The following CWF19L1 variants were observed in gnomAD, a reference collection of about 807,000 sequenced individuals.
The protein encoded by CWF19L1 is CWF19-like protein 1.
In CWF19L1, 60 loss-of-function variants were observed where a neutral mutation model predicts 69.7. The observed-to-expected ratio is 0.86, with a 90% CI of 0.70 to 1.07. CWF19L1 has a LOEUF of 1.07. Ranked by LOEUF, CWF19L1 falls within the 50% of genes least tolerant of loss-of-function variation. The probability of loss-of-function intolerance (pLI) is 0.00; values close to 1 mark genes in which losing one functional copy is unlikely to be tolerated. For missense variants in CWF19L1, 591 were observed against 638.9 expected (o/e 0.92, Z 0.81); for synonymous variants, 209 against 222.2 (o/e 0.94, Z 0.53).
intron 4 of CWF19L1, among the ~76,000 whole-genome samples, chr10:100,257,693 T>A (rs547051104): frequency 6.4e-4 from 98 of 152,264 alleles, no homozygotes; most frequent in Non-Finnish European, 1.3e-3. Flanking sequence ...CCTGAAACTA[T>A]GTTATCTTCA....
intron 7 of CWF19L1, chr10:100,249,015 C>T (rs1490903082): frequency 4.8e-6 from 3 of 629,580 alleles, no homozygotes; most frequent in Non-Finnish European, 8.9e-6. Flanking sequence ...AGCTCTTATA[C>T]TCTGGGAACA....
intron 5 of CWF19L1, chr10:100,254,724 C>T (rs1801534906): frequency 6.6e-6 from 1 of 152,126 alleles, no homozygotes; most frequent in Admixed American, 6.6e-5. Context: ...TTTTAGCTCC[C>T]CGCAAAACAA....
rs1289845045 is a variant in CWF19L1 at position 100,238,194 on chromosome 10, T to C, written c.1082A>G (p.Asp361Gly). 1 of 1,614,124 alleles carries C rather than the reference T, an allele frequency of 6.2e-7. No homozygotes were observed. The highest frequency in any genetic ancestry group is 2.2e-5 in the East Asian group (1 of 44,882). ...TCCAATAGGCAGGATGAGGACATGGTCATCAGATAAGCCTCCTTTGGCCAG... is the reference window on the plus strand; with the variant it reads ...TCCAATAGGCAGGATGAGGACATGGCCATCAGATAAGCCTCCTTTGGCCAG... ...LALAKGGLSD[D>G]HVLILPIGHY... Residue 361 changes from aspartate (D) to glycine (G), a missense_variant, in exon 11 of 14, where the codon GAC (aspartate) becomes GGC (glycine). Asp to Gly is a moderately conservative substitution (Grantham distance 94). Transcript: ENST00000354105.
In CWF19L1 at chr10:100,238,033, G is replaced by T; in HGVS notation, c.1243C>A (p.Leu415Ile). 6.2e-7 allele frequency: 1 copy of T among 1,614,136 alleles called. No homozygotes were observed. The highest frequency in any genetic ancestry group is 8.5e-7 in the Non-Finnish European group (1 of 1,179,994). ...VFERNYKSHH[L>I]QLQVIPVPIS... ...AACAGACCACCTACCTGTAGCTGGAGGTGATGGCTCTTATAATTTCTCTCA... is the reference window on the plus strand; with the variant it reads ...AACAGACCACCTACCTGTAGCTGGATGTGATGGCTCTTATAATTTCTCTCA... Residue 415 changes from leucine (L) to isoleucine (I), a missense_variant, in exon 11 of 14, where the codon CTC becomes ATC. By Grantham distance (5) the Leu-to-Ile change is conservative. Around this residue, in one of 3 missense-constraint regions of CWF19L1, gnomAD observed 458 missense variants for 489.3 expected, o/e 0.94. Coordinates refer to ENST00000354105, the MANE Select transcript of CWF19L1 (RefSeq NM_018294.6).
chr10:100,266,839 G>GT (rs1416332990), intron 1 of CWF19L1, among the ~76,000 whole-genome samples: 5 of 148,188 alleles, frequency 3.4e-5, no homozygotes, highest in African/African-American at 5.1e-5. Context: ...ATTGTTTTTT[G>GT]TTTGTTTTGT....
Position 100,256,399 on chromosome 10 carries a change from C to G in CWF19L1, c.367G>C (p.Val123Leu). 6.2e-7 allele frequency: 1 copy of G among 1,614,190 alleles called. No individual in the cohort carries two copies. Among genetic ancestry groups the G allele is most frequent in the South Asian group, 1.1e-5 (1 of 91,088 alleles). The change falls in exon 5 of 14, where the codon GTA becomes CTA. Residue 123 changes from valine to leucine, a missense_variant. By Grantham distance (32) the Val-to-Leu change is conservative. Around this residue, in one of 3 missense-constraint regions of CWF19L1, gnomAD observed 4 missense variants for 18.3 expected, o/e 0.22. Transcript: ENST00000354105. ...LSGTESLNEP[V>L]PGYSFSPKDV... is the part of the protein sequence containing the mutation. Reference sequence around the variant, plus strand: ...TTGGGACTAAAACTATAACCTGGTACTGGCTCATTTAAGGATTCTGTCCCA... The same window carrying G: ...TTGGGACTAAAACTATAACCTGGTAGTGGCTCATTTAAGGATTCTGTCCCA...
rs766663163 is a variant in CWF19L1, at chr10:100,235,649, A to G, written c.1472+18T>C. On this transcript the variant is annotated intron_variant, in intron 13 of 13. Coordinates refer to ENST00000354105, the MANE Select transcript of CWF19L1 (RefSeq NM_018294.6). Reference sequence around the variant, plus strand: ...TAGCAGGTCTAGTGAAAATACATTGAAAAGAAGAAAAACATACCTTCCAAA... The same window carrying G: ...TAGCAGGTCTAGTGAAAATACATTGGAAAGAAGAAAAACATACCTTCCAAA... 1 of 1,567,370 alleles carries G rather than the reference A, an allele frequency of 6.4e-7. No individual in the cohort carries two copies. Among genetic ancestry groups the G allele is most frequent in the African/African-American group, 1.3e-5 (1 of 74,138 alleles).
At chr10:100,267,147 C>CCG (rs1847624171) in intron 1 of CWF19L1, among the ~76,000 whole-genome samples, 2 of 30,770 alleles carry the variant, frequency 6.5e-5, no homozygotes, top group African/African-American at 1.2e-4. Flanking sequence ...CTCCTCCTCG[C>CCG]AAAAAAAAAA....
intron 11 of CWF19L1, chr10:100,237,290 AACC>A (rs1846475943): frequency 5.5e-6 from 3 of 540,800 alleles, no homozygotes; most frequent in South Asian, 4.3e-5. Context: ...CCAAAAAGAA[AACC>A]ACCACAACTA....
chr10:100,260,963 T>C lies in CWF19L1; in HGVS notation c.187+3A>G, dbSNP rs1350156905. 3.2e-6 allele frequency: 5 copies of C among 1,582,258 alleles called. No individual in the cohort carries two copies. Among genetic ancestry groups the C allele is most frequent in the Middle Eastern group, 1.7e-4 (1 of 5,938 alleles). On this transcript the variant is annotated splice_donor_region_variant and intron_variant, in intron 3 of 13. Coordinates refer to ENST00000354105, the MANE Select transcript of CWF19L1 (RefSeq NM_018294.6). ...ATATGTTAAATAAAAATAATTTCTA[T>C]ACCTTTCTTGATGCCAGTCTTATAC...
intron 1 of CWF19L1, among the ~76,000 whole-genome samples, chr10:100,264,139 G>T (rs1847493442): frequency 2.0e-5 from 3 of 152,136 alleles, no homozygotes; most frequent in Admixed American, 2.0e-4. Context: ...GGTAATGCTG[G>T]TATAAACCTA....
intron 1 of CWF19L1, among the ~76,000 whole-genome samples, chr10:100,264,749 T>C (rs1174616783): frequency 6.6e-6 from 1 of 151,848 alleles, no homozygotes; most frequent in Non-Finnish European, 1.5e-5. Context: ...GGACAAGATA[T>C]GGAGGTGAAC....
intron 7 of CWF19L1, among the ~76,000 whole-genome samples, chr10:100,249,429 A>G (rs1846947137): frequency 6.6e-6 from 1 of 152,116 alleles, no homozygotes; most frequent in Non-Finnish European, 1.5e-5. Flanking sequence ...GAAATCAGAA[A>G]TACTCTCAGA....
chr10:100,235,358 C>T lies in CWF19L1; in HGVS notation c.1472+309G>A, dbSNP rs886986592. Among the ~76,000 whole-genome samples, 4 of 152,212 alleles carry T rather than the reference C, an allele frequency of 2.6e-5. No homozygotes were observed. The East Asian group carries it at 7.7e-4, about 29-fold the overall frequency. On this transcript the variant is annotated intron_variant, in intron 13 of 13. Coordinates refer to ENST00000354105, the MANE Select transcript of CWF19L1 (RefSeq NM_018294.6). ...GCACTTCTGGCTAGAATGCCCTCAC[C>T]TCAATCTTTGCCCTCTAAATATGCC...
intron 2 of CWF19L1, 110 bp from the exon 3 acceptor site, chr10:100,261,154 C>A (rs976266923): frequency 4.3e-6 from 3 of 705,504 alleles, no homozygotes; most frequent in African/African-American, 3.6e-5. Context: ...GTTTTTAATT[C>A]TTAATCAATT....
At chr10:100,241,028 T>G (rs866488842) in intron 10 of CWF19L1, among the ~76,000 whole-genome samples, 84 of 140,784 alleles carry the variant, frequency 6.0e-4, no homozygotes, top group African/African-American at 2.1e-3. Flanking sequence ...TTTTTTTTTT[T>G]GTGACAGAGT....
Position 100,238,186 on chromosome 10 carries a change from G to A in CWF19L1, c.1090C>T (p.Leu364Phe), listed in dbSNP as rs1166545395. ...TGGTAGTGTCCAATAGGCAGGATGA[G>A]GACATGGTCATCAGATAAGCCTCCT... ...AKGGLSDDHVLILPIGHYQSV... is the reference protein window; with the variant it reads ...AKGGLSDDHVFILPIGHYQSV... Residue 364 changes from leucine (L) to phenylalanine (F), a missense_variant, in exon 11 of 14, where the codon CTC (leucine) becomes TTC (phenylalanine). Leu to Phe is a conservative substitution (Grantham distance 22, BLOSUM62 0). Around this residue, in one of 3 missense-constraint regions of CWF19L1, gnomAD observed 458 missense variants for 489.3 expected, o/e 0.94. Coordinates refer to ENST00000354105, the MANE Select transcript of CWF19L1 (RefSeq NM_018294.6). The A allele has an allele frequency of 2.5e-6, 4 of 1,614,038 alleles. No individual in the cohort carries two copies. The highest frequency in any genetic ancestry group is 2.7e-5 in the African/African-American group (2 of 74,914).
chr10:100,266,726 G>T (rs902409758), intron 1 of CWF19L1, among the ~76,000 whole-genome samples: 1 of 143,990 alleles, frequency 6.9e-6, no homozygotes, highest in Non-Finnish European at 1.5e-5. Context: ...CACCACGTTG[G>T]CCAGGCTGGT....
At chr10:100,267,065 G>C (rs549835038) in intron 1 of CWF19L1, among the ~76,000 whole-genome samples, 120 of 149,500 alleles carry the variant, frequency 8.0e-4, no homozygotes, top group African/African-American at 2.9e-3. Context: ...ACCTAGCACA[G>C]CGTCCGGCAC....
Sources: gnomAD v4.1 joint callset for allele counts (sites outside exome capture counted in the v4.1 genomes callset) on GRCh38, gnomAD v4.1.1 for gene constraint, gnomAD v4.1.1 regional missense constraint, MANE v1.5 for transcripts, NCBI Gene and HGNC (gene_info 2026-07-23, HGNC 2026-07-21) for gene names.